Variants in NARS2 observed in about 807,000 individuals in gnomAD.
NARS2 encodes asparaginyl-tRNA synthetase.
NARS2 carries 60 observed loss-of-function variants against 62.9 expected under a neutral mutation model. That is an observed-to-expected ratio of 0.95 (90% CI 0.77 to 1.18). NARS2 has a LOEUF of 1.18. NARS2 is among the 50% of genes most tolerant of loss of function. The pLI is 0.00. For missense variants in NARS2, 619 were observed against 576.4 expected, an observed-to-expected ratio of 1.07 and a Z score of -0.76; for synonymous variants, 196 against 200.0, an observed-to-expected ratio of 0.98 and a Z score of 0.17.
rs545117470 is a variant in NARS2 at position 78,568,756 on chromosome 11, T to C, written c.252-4A>G. ...AGAACTCCCAAAATTTAATTCTCTA[T>C]AGTAACAAAAAACAAGATAAACAAG... On this transcript the variant is annotated splice_region_variant and splice_polypyrimidine_tract_variant and intron_variant, in intron 2 of 13. Transcript: ENST00000281038. 8.2e-6 allele frequency: 13 copies of C among 1,588,684 alleles called. No individual in the cohort carries two copies. The highest frequency in any genetic ancestry group is 3.5e-5 in the Admixed American group (2 of 56,738).
chr11:78,493,121 T>C lies in NARS2; in HGVS notation c.764A>G (p.Glu255Gly). The change falls in exon 7 of 14, where the codon GAG becomes GGG. Residue 255 changes from glutamate to glycine, a missense_variant. Physicochemically the swap from Glu to Gly is moderately conservative, Grantham distance 98. Coordinates refer to ENST00000281038, the MANE Select transcript of NARS2 (RefSeq NM_024678.6). ...AATCTCTGCTTCTATCATATAAAAC[T>C]CTGCCAGGTGCCTCCGGCTCTGAGA... is the stretch of plus-strand genomic sequence containing the variant. ...ENSQSRRHLA[E>G]FYMIEAEISF... 1 of 1,614,054 alleles carries C rather than the reference T, an allele frequency of 6.2e-7. No homozygotes were observed. The highest frequency in any genetic ancestry group is 8.5e-7 in the Non-Finnish European group (1 of 1,179,918).
intron 6 of NARS2, among the ~76,000 whole-genome samples, chr11:78,508,359 C>T (rs1033161765): frequency 3.9e-5 from 6 of 152,094 alleles, no homozygotes; most frequent in South Asian, 2.1e-4. Flanking sequence ...GAAGCCGAGG[C>T]GGGCAGACCA....
intron 6 of NARS2, among the ~76,000 whole-genome samples, chr11:78,504,137 C>T (rs935498808): frequency 3.9e-5 from 6 of 152,170 alleles, no homozygotes; most frequent in Non-Finnish European, 7.4e-5. Flanking sequence ...ATACTATCTG[C>T]CTAAAATTCA....
chr11:78,458,114 G>C (rs1287373740), intron 11 of NARS2, among the ~76,000 whole-genome samples: 1 of 151,278 alleles, frequency 6.6e-6, no homozygotes, highest in African/African-American at 2.5e-5. Flanking sequence ...AGGTGGATGA[G>C]AGGATTTTGA....
At chr11:78,448,726 G>C (rs988611529) in intron 11 of NARS2, among the ~76,000 whole-genome samples, 2 of 152,230 alleles carry the variant, frequency 1.3e-5, no homozygotes, top group African/African-American at 4.8e-5. Flanking sequence ...GAAGGAGGTA[G>C]ACCAGATGAG....
chr11:78,452,649 T>C (rs1237311328), intron 11 of NARS2, among the ~76,000 whole-genome samples: 1 of 152,122 alleles, frequency 6.6e-6, no homozygotes, highest in African/African-American at 2.4e-5. Flanking sequence ...GCTCAAGCGA[T>C]CTTCCTGCTT....
At chr11:78,504,965 T>C (rs1355887708) in intron 6 of NARS2, among the ~76,000 whole-genome samples, 1 of 152,122 alleles carries the variant, frequency 6.6e-6, no homozygotes, top group Non-Finnish European at 1.5e-5. Flanking sequence ...TTAAGGTTGT[T>C]AGTGGGTTTC....
At chr11:78,437,545 C>T (rs923481703) in intron 13 of NARS2, among the ~76,000 whole-genome samples, 4 of 152,138 alleles carry the variant, frequency 2.6e-5, no homozygotes, top group Admixed American at 6.5e-5. Context: ...AAGACAATGG[C>T]ACAGACATGA....
At chr11:78,482,630 G>A (rs1202520692) in intron 7 of NARS2, among the ~76,000 whole-genome samples, 3 of 152,140 alleles carry the variant, frequency 2.0e-5, no homozygotes, top group African/African-American at 4.8e-5. Flanking sequence ...GCAAATGAAC[G>A]AGAAAATCTA....
rs532328462 is a variant in NARS2 at position 78,521,661 on chromosome 11, G to A, written c.689+7181C>T. On this transcript the variant is annotated intron_variant, in intron 6 of 13. Transcript: ENST00000281038. Reference sequence around the variant, plus strand: ...AAAAATTAGCCGGGCGTAGTGGCGGGTGCCTGTAGTCCCAGCTACTTGGGA... The same window carrying A: ...AAAAATTAGCCGGGCGTAGTGGCGGATGCCTGTAGTCCCAGCTACTTGGGA... Among the ~76,000 whole-genome samples the A allele has an allele frequency of 3.2e-4, 48 of 151,654 alleles. No homozygotes were observed. The East Asian group carries it at 8.6e-3, about 27-fold the overall frequency.
At chr11:78,494,598 G>T (rs7124043) in intron 6 of NARS2, among the ~76,000 whole-genome samples, 114,092 of 151,478 alleles carry the variant, frequency 0.75, 43,363 homozygotes, top group Non-Finnish European at 0.82. Flanking sequence ...AGCTTAGGAA[G>T]TTATATTTTG....
chr11:78,528,812 C>T (rs1197924269), intron 6 of NARS2, 30 bp downstream of exon 6: 2 of 1,469,388 alleles, frequency 1.4e-6, no homozygotes, highest in Admixed American at 1.7e-5. Flanking sequence ...CATAATATAT[C>T]AAAGCAAAAG....
intron 6 of NARS2, among the ~76,000 whole-genome samples, chr11:78,522,036 C>T (rs150443678): frequency 0.014 from 2,158 of 152,180 alleles, 49 homozygotes; most frequent in African/African-American, 0.049. Context: ...TTACTGCAGC[C>T]TCAATCTCCT....
At chr11:78,493,623 A>C (rs1353203371) in intron 6 of NARS2, among the ~76,000 whole-genome samples, 1 of 151,940 alleles carries the variant, frequency 6.6e-6, no homozygotes, top group Non-Finnish European at 1.5e-5. Flanking sequence ...ATGCCACTGC[A>C]TTCTGGCCTG....
At chr11:78,469,869 A>G (rs1420791506) in intron 9 of NARS2, among the ~76,000 whole-genome samples, 1 of 152,040 alleles carries the variant, frequency 6.6e-6, no homozygotes, top group Non-Finnish European at 1.5e-5. Context: ...AAGAAGGCAG[A>G]GGGGGTTTGG....
chr11:78,493,799 T>C (rs1859935525), intron 6 of NARS2, among the ~76,000 whole-genome samples: 1 of 152,106 alleles, frequency 6.6e-6, no homozygotes, highest in African/African-American at 2.4e-5. Flanking sequence ...CTGGGTGCAC[T>C]CTACTGCAGC....
intron 6 of NARS2, among the ~76,000 whole-genome samples, chr11:78,517,082 T>C (rs981591878): frequency 1.3e-5 from 2 of 152,162 alleles, no homozygotes; most frequent in African/African-American, 4.8e-5. Context: ...AAACAGCATA[T>C]GCAAAGGAAT....
intron 1 of NARS2, 105 bp downstream of exon 1, chr11:78,574,243 C>G (rs111632564): frequency 7.5e-6 from 11 of 1,461,188 alleles, no homozygotes; most frequent in Non-Finnish European, 9.5e-6. Flanking sequence ...TAACTTTTCC[C>G]TGCTGGCGGT....
At chr11:78,482,979 G>A (rs1457655150) in intron 7 of NARS2, among the ~76,000 whole-genome samples, 1 of 152,000 alleles carries the variant, frequency 6.6e-6, no homozygotes, top group Admixed American at 6.6e-5. Context: ...ACATCAATAC[G>A]AAAATCCTTA....
Sources: allele counts gnomAD v4.1 joint callset (sites outside exome capture counted in the v4.1 genomes callset), GRCh38; gene constraint gnomAD v4.1.1; transcripts MANE v1.5; gene names NCBI Gene and HGNC (gene_info 2026-07-23, HGNC 2026-07-21).